RBMS3: variants seen among roughly 807,000 people sequenced by gnomAD.
RBMS3 encodes RNA binding motif single stranded interacting protein 3, also known as RNA-binding motif, single-stranded-interacting protein 3.
A neutral mutation model predicts 66.8 loss-of-function variants in RBMS3; 27 were observed. The ratio of observed to expected loss-of-function variants is 0.40; its 90% CI spans 0.30 to 0.56. RBMS3 has a LOEUF of 0.56. RBMS3 is among the 20% of genes least tolerant of loss of function. RBMS3 has a pLI of 0.40. For synonymous variants in RBMS3, 188 were observed against 183.0 expected (o/e 1.03, Z -0.22); for missense variants, 513 against 549.5 (o/e 0.93, Z 0.66).
intron 4 of RBMS3, among the ~76,000 whole-genome samples, chr3:29,737,258 A>C (rs148177168): frequency 0.016 from 2,367 of 152,304 alleles, 54 homozygotes; most frequent in African/African-American, 0.052. Context: ...TACAGGCATG[A>C]GCCACTGCGC....
chr3:29,976,027 G>C (rs1215615595), intron 12 of RBMS3, among the ~76,000 whole-genome samples: 1 of 151,638 alleles, frequency 6.6e-6, no homozygotes, highest in African/African-American at 2.4e-5. Flanking sequence ...TTGTAATATA[G>C]AAGTTTTCAT....
At chr3:29,957,375 G>A (rs116705870) in intron 12 of RBMS3, among the ~76,000 whole-genome samples, 165 of 152,170 alleles carry the variant, frequency 1.1e-3, no homozygotes, top group South Asian at 2.1e-3. Flanking sequence ...ATGCTGATTC[G>A]TTAGACACAC....
At chr3:29,357,209 C>A (rs568950135) in intron 1 of RBMS3, among the ~76,000 whole-genome samples, 1 of 152,068 alleles carries the variant, frequency 6.6e-6, no homozygotes, top group East Asian at 1.9e-4. Context: ...GCCCCCAACC[C>A]CACAACAGGC....
intron 3 of RBMS3, among the ~76,000 whole-genome samples, chr3:29,576,266 G>A (rs1427430833): frequency 2.0e-5 from 3 of 152,112 alleles, no homozygotes; most frequent in Admixed American, 6.5e-5. Context: ...AGAATTCTCT[G>A]GATTACCAGG....
At chr3:29,475,547 G>C (rs1222377041) in intron 2 of RBMS3, among the ~76,000 whole-genome samples, 1 of 152,140 alleles carries the variant, frequency 6.6e-6, no homozygotes, top group Non-Finnish European at 1.5e-5. Flanking sequence ...ACTGCGCCCA[G>C]CCAATTTCTC....
chr3:29,391,607 G>A (rs1203995812), intron 1 of RBMS3, among the ~76,000 whole-genome samples: 4 of 152,040 alleles, frequency 2.6e-5, no homozygotes, highest in African/African-American at 9.7e-5. Flanking sequence ...AGTATTCCTA[G>A]CATGCTATTT....
At chr3:29,372,397 G>A (rs74333952) in intron 1 of RBMS3, among the ~76,000 whole-genome samples, 4 of 151,922 alleles carry the variant, frequency 2.6e-5, no homozygotes, top group African/African-American at 9.7e-5. Flanking sequence ...TAATAATTCC[G>A]GGTTCTATTT....
chr3:29,784,291 G>A (rs2056743856), intron 6 of RBMS3, among the ~76,000 whole-genome samples: 1 of 151,422 alleles, frequency 6.6e-6, no homozygotes, highest in Non-Finnish European at 1.5e-5. Context: ...AGACCACAAA[G>A]CAAGTCTCAA....
chr3:29,865,238 C>T (rs866288937), intron 6 of RBMS3, among the ~76,000 whole-genome samples: 1 of 152,200 alleles, frequency 6.6e-6, no homozygotes, highest in Middle Eastern at 3.4e-3. Context: ...GTGTTAAAGC[C>T]TATGGAAATA....
intron 6 of RBMS3, among the ~76,000 whole-genome samples, chr3:29,835,733 A>C (rs1447687685): frequency 6.6e-6 from 1 of 151,844 alleles, no homozygotes; most frequent in Admixed American, 6.6e-5. Flanking sequence ...AAACATAACA[A>C]ACTAAGCCCA....
intron 5 of RBMS3, among the ~76,000 whole-genome samples, chr3:29,742,624 T>A (rs888772916): frequency 6.6e-6 from 1 of 152,220 alleles, no homozygotes; most frequent in African/African-American, 2.4e-5. Flanking sequence ...ATAGCTCCTA[T>A]AAAAGTTTTG....
intron 4 of RBMS3, among the ~76,000 whole-genome samples, chr3:29,605,070 G>T (rs1046007637): frequency 6.6e-6 from 1 of 151,612 alleles, no homozygotes; most frequent in Admixed American, 6.6e-5. Context: ...GAATATTATG[G>T]TTCCATTCCT....
At chr3:29,430,887 A>G (rs1268044607) in intron 1 of RBMS3, among the ~76,000 whole-genome samples, 1 of 152,202 alleles carries the variant, frequency 6.6e-6, no homozygotes, top group Admixed American at 6.5e-5. Context: ...GGCCCTGGGA[A>G]TTTTAAGAGA....
intron 12 of RBMS3, among the ~76,000 whole-genome samples, chr3:29,945,282 AC>A (rs983029587): frequency 4.6e-5 from 7 of 151,582 alleles, no homozygotes; most frequent in African/African-American, 1.5e-4. Flanking sequence ...GCTTTTGGCC[AC>A]CCGTTTGCTT....
At chr3:29,989,762 C>T (rs537205447) in intron 13 of RBMS3, among the ~76,000 whole-genome samples, 2 of 152,166 alleles carry the variant, frequency 1.3e-5, no homozygotes, top group South Asian at 4.1e-4. Context: ...ATTGTCTTTT[C>T]AGAATTGCAA....
At chr3:29,336,326 T>G (rs542124433) in intron 1 of RBMS3, among the ~76,000 whole-genome samples, 2 of 152,100 alleles carry the variant, frequency 1.3e-5, no homozygotes, top group African/African-American at 4.8e-5. Context: ...GGCAGTTGTG[T>G]TTTTTTGCAA....
intron 1 of RBMS3, among the ~76,000 whole-genome samples, chr3:29,413,423 TAC>T (rs1553599304): frequency 5.9e-5 from 7 of 118,970 alleles, no homozygotes; most frequent in African/African-American, 2.2e-4. Context: ...CATACATACA[TAC>T]ACAGAGTTGC....
rs1219326383 is a variant in RBMS3, at chr3:29,991,217, TG to T, written c.1307+11del. 1.2e-6 allele frequency: 2 copies of T among 1,613,876 alleles called. No homozygotes were observed. Among genetic ancestry groups the T allele is most frequent in the South Asian group, 2.2e-5 (2 of 91,058 alleles). ...TTCTTACCAACAGTCTAAGTAAGTC[TG>T]GGCTGTGCTAAGCTCTTTTCCTCAA... is the stretch of plus-strand genomic sequence containing the variant. On this transcript the variant is annotated intron_variant, in intron 14 of 14. Coordinates refer to ENST00000383767, the MANE Select transcript of RBMS3 (RefSeq NM_001003793.3).
intron 2 of RBMS3, among the ~76,000 whole-genome samples, chr3:29,463,628 A>G (rs1369245747): frequency 6.6e-6 from 1 of 152,016 alleles, no homozygotes; most frequent in Non-Finnish European, 1.5e-5. Context: ...AAAAAAAAAA[A>G]AAAGCAGTAT....
Sources: gnomAD v4.1 joint callset for allele counts (sites outside exome capture counted in the v4.1 genomes callset) on GRCh38, gnomAD v4.1.1 for gene constraint, MANE v1.5 for transcripts, NCBI Gene and HGNC (gene_info 2026-07-23, HGNC 2026-07-21) for gene names.